UBA6: variants seen among roughly 807,000 people sequenced by gnomAD.
UBA6 encodes ubiquitin like modifier activating enzyme 6.
In UBA6, 87 loss-of-function variants were observed where a neutral mutation model predicts 148.3. The ratio of observed to expected loss-of-function variants is 0.59; its 90% CI spans 0.49 to 0.70. The LOEUF (loss-of-function observed/expected upper bound fraction) is 0.70, where lower values mean the gene tolerates loss of function less well. Among genes scored for constraint, UBA6 ranks in the 30% least tolerant of loss-of-function variants. The pLI, the probability that UBA6 is intolerant of heterozygous loss-of-function variation, is 0.00. For missense variants in UBA6, 1,186 were observed against 1,241.2 expected (o/e 0.96, Z 0.67); for synonymous variants, 376 against 401.0 (o/e 0.94, Z 0.75).
chr4:67,675,529 G>A (rs188340809), intron 6 of UBA6, among the ~76,000 whole-genome samples: 16 of 152,170 alleles, frequency 1.1e-4, no homozygotes, highest in Admixed American at 2.0e-4. Flanking sequence ...TCAGAAGTTC[G>A]AGACCAGCCT....
In UBA6 at chr4:67,680,634, G is replaced by A. The variant is rs146502231; in HGVS notation, c.258+929C>T. ...TCTAACTAGACATTTGATGACTGTG[G>A]TAGACAGGCTTTTAAGATGGCCACA... On this transcript the variant is annotated intron_variant, in intron 4 of 32. Transcript: ENST00000322244. 7.0e-4 allele frequency among the ~76,000 whole-genome samples: 106 copies of A among 152,298 alleles called. 1 individual carries two copies. The highest frequency in any genetic ancestry group is 5.5e-3 in the Admixed American group (84 of 15,294).
rs561408637 is a variant in UBA6 at position 67,617,814 on chromosome 4, A to G, written c.*1183T>C. On this transcript the variant is annotated 3_prime_UTR_variant, in exon 33 of 33. Transcript: ENST00000322244. ...AAAAAAGCCAACTGCTTCAGAATGC[A>G]TGACAGTCTTAGTAATAAAAGAATC... 1 of 152,210 alleles carries G rather than the reference A, an allele frequency of 6.6e-6. No homozygotes were observed. Among genetic ancestry groups the G allele is most frequent in the South Asian group, 2.1e-4 (1 of 4,826 alleles). The allele number at this position is 152,210 out of a possible 1,614,324, so 9.4% of individuals were successfully genotyped here. A position where few individuals can be genotyped will look rare whatever the true frequency, so the allele number is the denominator to read the frequency against.
intron 2 of UBA6, among the ~76,000 whole-genome samples, chr4:67,689,570 G>T (rs1279435405): frequency 6.6e-6 from 1 of 152,066 alleles, no homozygotes; most frequent in Non-Finnish European, 1.5e-5. Flanking sequence ...GAATTTTCCA[G>T]ATATAAAGGA....
In UBA6 at chr4:67,696,632, A is replaced by G. The variant is rs1373887524; in HGVS notation, c.134+13T>C. ...ATGGGGAAAATAAGTTTCAGTTTCT[A>G]TGAGATTCTTACCTATACAATGCAT... On this transcript the variant is annotated intron_variant, in intron 2 of 32. Coordinates refer to ENST00000322244, the MANE Select transcript of UBA6 (RefSeq NM_018227.6). The G allele has an allele frequency of 1.7e-5, 27 of 1,580,154 alleles. No individual in the cohort carries two copies. The highest frequency in any genetic ancestry group is 2.3e-5 in the East Asian group (1 of 44,328).
At chr4:67,695,113 A>G (rs545981633) in intron 2 of UBA6, among the ~76,000 whole-genome samples, 5 of 152,354 alleles carry the variant, frequency 3.3e-5, no homozygotes, top group African/African-American at 9.6e-5. Context: ...TTTCACAAGG[A>G]TTAAACTAAA....
chr4:67,627,402 T>C (rs1728893005), intron 27 of UBA6, among the ~76,000 whole-genome samples: 1 of 151,950 alleles, frequency 6.6e-6, no homozygotes, highest in South Asian at 2.1e-4. Context: ...CCACAGTTCA[T>C]GTTAAAACTG....
chr4:67,662,869 A>G, intron 12 of UBA6: 1 of 301,676 alleles, frequency 3.3e-6, no homozygotes. Context: ...ATAATTCAGT[A>G]ATTCTCAGAA....
intron 13 of UBA6, chr4:67,661,680 T>G (rs189840433): frequency 1.3e-5 from 2 of 154,946 alleles, no homozygotes; most frequent in African/African-American, 4.8e-5. Flanking sequence ...AACATCACCA[T>G]GTTTATAGCT....
chr4:67,701,070 C>G lies in UBA6; in HGVS notation c.50G>C (p.Cys17Ser), dbSNP rs534250437. ...TCACCTGCCAGTCCCCCAGGAAGAA[C>G]AGGACGCCTCTTCCCCCTGATGGGC... ...VAAHQGEEAS[C>S]SSWGTGSTNK... The change falls in exon 1 of 33, where the codon TGT becomes TCT. Residue 17 changes from cysteine (C) to serine (S), a missense_variant. Coordinates refer to ENST00000322244, the MANE Select transcript of UBA6 (RefSeq NM_018227.6). The G allele has an allele frequency of 7.6e-5, 122 of 1,613,830 alleles. 5 individuals carry two copies. The South Asian group carries it at 1.3e-3, about 17-fold the overall frequency.
chr4:67,700,914 C>T (rs1730965436), intron 1 of UBA6, 135 bp downstream of exon 1: 4 of 1,081,250 alleles, frequency 3.7e-6, no homozygotes, highest in Non-Finnish European at 5.4e-6. Flanking sequence ...GCGCGCGCCC[C>T]TCGCCTCCCA....
intron 13 of UBA6, among the ~76,000 whole-genome samples, chr4:67,653,931 A>G (rs2109924580): frequency 6.6e-6 from 1 of 152,342 alleles, no homozygotes; most frequent in East Asian, 1.9e-4. Context: ...GGAAGAAAGG[A>G]TATCAGTGAT....
intron 2 of UBA6, among the ~76,000 whole-genome samples, chr4:67,687,752 A>C (rs1730606380): frequency 6.6e-6 from 1 of 152,174 alleles, no homozygotes; most frequent in South Asian, 2.1e-4. Flanking sequence ...CTGTTCCTAC[A>C]TTAGTTTGCT....
chr4:67,633,790 C>T (rs768463707), intron 22 of UBA6, among the ~76,000 whole-genome samples: 1 of 152,042 alleles, frequency 6.6e-6, no homozygotes, highest in Non-Finnish European at 1.5e-5. Flanking sequence ...ATATTTGATA[C>T]TAAAAAGTGG....
intron 13 of UBA6, among the ~76,000 whole-genome samples, chr4:67,651,159 C>A (rs550410242): frequency 6.6e-6 from 1 of 152,052 alleles, no homozygotes; most frequent in Non-Finnish European, 1.5e-5. Flanking sequence ...AAAATCCACA[C>A]CCCCACAACT....
chr4:67,696,888 T>G (rs1730853451), intron 1 of UBA6, among the ~76,000 whole-genome samples, 181 bp from the exon 2 acceptor site: 1 of 152,242 alleles, frequency 6.6e-6, no homozygotes, highest in Non-Finnish European at 1.5e-5. Context: ...GCTTGTTCTA[T>G]CCTGTGTAAA....
rs1560498058 is a variant in UBA6 at position 67,677,731 on chromosome 4, A to G, written c.354-9T>C. 3 of 1,468,106 alleles carry G rather than the reference A, an allele frequency of 2.0e-6. No individual in the cohort carries two copies. The highest frequency in any genetic ancestry group is 1.9e-6 in the Non-Finnish European group (2 of 1,064,256). The allele number at this position is 1,468,106 out of a possible 1,614,324, so 90.9% of individuals were successfully genotyped here. ...TAAGTACAGCTTCAGCCCTAAAAAA[A>G]TAAAATAAATTTTTACTGTTCTTTA... On this transcript the variant is annotated splice_polypyrimidine_tract_variant and intron_variant, in intron 5 of 32. Transcript: ENST00000322244.
At chr4:67,670,616 C>A in intron 7 of UBA6, 24 bp from the exon 8 acceptor site, 2 of 1,576,422 alleles carry the variant, frequency 1.3e-6, no homozygotes, top group South Asian at 2.3e-5. Flanking sequence ...AAAACAAGTT[C>A]AATCTTATTT....
chr4:67,651,942 CAA>C (rs560154429), intron 13 of UBA6, among the ~76,000 whole-genome samples: 85 of 152,208 alleles, frequency 5.6e-4, no homozygotes, highest in African/African-American at 1.8e-3. Context: ...CATAAAACTA[CAA>C]AAGAGTGCAT....
At chr4:67,620,716 G>A (rs1261717023) in intron 32 of UBA6, among the ~76,000 whole-genome samples, 1 of 152,130 alleles carries the variant, frequency 6.6e-6, no homozygotes, top group African/African-American at 2.4e-5. Context: ...AATATTAACA[G>A]GACTAACATT....
Sources: allele counts gnomAD v4.1 joint callset (sites outside exome capture counted in the v4.1 genomes callset), GRCh38; gene constraint gnomAD v4.1.1; transcripts MANE v1.5; gene names NCBI Gene and HGNC (gene_info 2026-07-23, HGNC 2026-07-21).